DNPH1: variants seen among roughly 807,000 people sequenced by gnomAD.
DNPH1 encodes 2'-deoxynucleoside 5'-phosphate N-hydrolase 1, also known as 5-hydroxymethyl-dUMP N-hydrolase.
In DNPH1, 18 loss-of-function variants were observed where a neutral mutation model predicts 15.7. That is an observed-to-expected ratio of 1.15 (90% CI 0.79 to 1.70). DNPH1 has a LOEUF of 1.70. Among genes scored for constraint, DNPH1 ranks in the 40% most tolerant of loss-of-function variants. DNPH1 has a pLI of 0.00. For missense variants in DNPH1, 262 were observed against 255.2 expected (o/e 1.03, Z -0.18); for synonymous variants, 114 against 107.9 (o/e 1.06, Z -0.35).
chr6:43,226,299 G>C lies in DNPH1; in HGVS notation c.265+28C>G, dbSNP rs750818684. On this transcript the variant is annotated intron_variant, in intron 2 of 3. Transcript: ENST00000230431. This position sits in a 1 kb window ranked among gnomAD's most constrained non-coding sequence, Gnocchi z 4.1. The stretch of plus-strand genomic sequence containing the variant: ...GGAACCCAGCACTCCAGAGGAGTTA[G>C]GTGCTGGAAGGAGGGAGCGCCACTC... 1.9e-5 allele frequency: 31 copies of C among 1,609,542 alleles called. No individual in the cohort carries two copies. The highest frequency in any genetic ancestry group is 2.5e-5 in the Non-Finnish European group (30 of 1,178,836).
chr6:43,229,362 C>A lies in DNPH1; in HGVS notation c.95G>T (p.Gly32Val). 6.7e-7 allele frequency: 1 copy of A among 1,487,248 alleles called. No individual in the cohort carries two copies. The highest frequency in any genetic ancestry group is 1.3e-5 in the South Asian group (1 of 77,480). 92.1% of individuals were successfully genotyped at this position (1,487,248 alleles called of 1,614,324 possible). ...ALYFCGSIRG[G>V]REDRTLYERI... ...CTCGTACAGCGTCCTGTCCTCGCGT[C>A]CGCCGCGAATGCTCCCGCAGAAGTA... Residue 32 changes from glycine (G) to valine (V), a missense_variant, in exon 1 of 4, where the codon GGA becomes GTA. By Grantham distance (109) the Gly-to-Val change is moderately radical. Coordinates refer to ENST00000230431, the MANE Select transcript of DNPH1 (RefSeq NM_006443.3).
rs1562070778 is a variant in DNPH1 at position 43,225,709 on chromosome 6, A to G, written c.*24T>C. 6.2e-7 allele frequency: 1 copy of G among 1,613,296 alleles called. No individual in the cohort carries two copies. The highest frequency in any genetic ancestry group is 2.2e-5 in the East Asian group (1 of 44,880). On this transcript the variant is annotated 3_prime_UTR_variant, in exon 4 of 4. Transcript: ENST00000230431. ...TACTAGAGCAGTGTCTGAGAATAGA[A>G]GAATTTAAGAAAGTGAGATTAAGTC...
chr6:43,227,937 AAACTT>A (rs1323327285), intron 1 of DNPH1, among the ~76,000 whole-genome samples: 20 of 152,204 alleles, frequency 1.3e-4, no homozygotes, highest in Non-Finnish European at 2.8e-4. Context: ...AAAAAATACA[AAACTT>A]AACCAGGTAT....
intron 1 of DNPH1, among the ~76,000 whole-genome samples, chr6:43,227,166 C>T (rs1420075178): frequency 6.6e-6 from 1 of 151,746 alleles, no homozygotes. Context: ...CCTGTAATCC[C>T]AGCACTTTGG....
Position 43,226,263 on chromosome 6 carries a change from G to C in DNPH1, c.265+64C>G. On this transcript the variant is annotated intron_variant, in intron 2 of 3. Coordinates refer to ENST00000230431, the MANE Select transcript of DNPH1 (RefSeq NM_006443.3). This position sits in a 1 kb window ranked among gnomAD's most constrained non-coding sequence, Gnocchi z 4.1. Reference sequence around the variant, plus strand: ...GAGTCCCTTCTAGGTGTGGAGGCTGGGATGTCCAGGGGAACCCAGCACTCC... The same window carrying C: ...GAGTCCCTTCTAGGTGTGGAGGCTGCGATGTCCAGGGGAACCCAGCACTCC... 7 of 1,602,140 alleles carry C rather than the reference G, an allele frequency of 4.4e-6. No homozygotes were observed. The highest frequency in any genetic ancestry group is 6.0e-6 in the Non-Finnish European group (7 of 1,175,002).
Position 43,229,367 on chromosome 6 carries a change from G to A in DNPH1, c.90C>T (p.Arg30=). 6.7e-7 allele frequency: 1 copy of A among 1,486,054 alleles called. No individual in the cohort carries two copies. Among genetic ancestry groups the A allele is most frequent in the East Asian group, 2.9e-5 (1 of 34,264 alleles). The allele number at this position is 1,486,054 out of a possible 1,614,324, so 92.1% of individuals were successfully genotyped here. A position where few individuals can be genotyped will look rare whatever the true frequency, so the allele number is the denominator to read the frequency against. Residue 30 remains arginine, a synonymous_variant, in exon 1 of 4, where the codon CGC becomes CGT. Transcript: ENST00000230431. ...RPALYFCGSI[R]GGREDRTLYE... ...ACAGCGTCCTGTCCTCGCGTCCGCCGCGAATGCTCCCGCAGAAGTACAGGG... is the reference window on the plus strand; with the variant it reads ...ACAGCGTCCTGTCCTCGCGTCCGCCACGAATGCTCCCGCAGAAGTACAGGG...
In DNPH1 at chr6:43,225,784, G is replaced by A. The variant is rs768236975; in HGVS notation, c.474C>T (p.Phe158=). 15 of 1,614,058 alleles carry A rather than the reference G, an allele frequency of 9.3e-6. No individual in the cohort carries two copies. The highest frequency in any genetic ancestry group is 2.2e-5 in the East Asian group (1 of 44,890). The change falls in exon 4 of 4, where the codon TTC becomes TTT. Residue 158 remains phenylalanine (F), a synonymous_variant. Transcript: ENST00000230431. The part of the protein sequence containing the change: ...GEVEALLDRY[F]EADPPGQVAA... ...CCACCTGCCCTGGAGGATCAGCCTC[G>A]AAGTATCGATCCAGCAGGGCCTCCA...
chr6:43,229,250 C>T lies in DNPH1; in HGVS notation c.196+11G>A. 7.2e-7 allele frequency: 1 copy of T among 1,398,294 alleles called. No individual in the cohort carries two copies. The highest frequency in any genetic ancestry group is 3.1e-5 in the East Asian group (1 of 31,818). 86.6% of individuals were successfully genotyped at this position (1,398,294 alleles called of 1,614,324 possible). On this transcript the variant is annotated intron_variant, in intron 1 of 3. Coordinates refer to ENST00000230431, the MANE Select transcript of DNPH1 (RefSeq NM_006443.3). ...CCCGCGTCCCCGCGTCCCGCGGCCC[C>T]AGGGCCTCACCGCGCGCGCCCAGCT...
In DNPH1 at chr6:43,226,064, G is replaced by T. The variant is rs1776727744; in HGVS notation, c.345C>A (p.Ile115=). The T allele has an allele frequency of 3.7e-6, 6 of 1,613,832 alleles. No homozygotes were observed. The highest frequency in any genetic ancestry group is 4.2e-6 in the Non-Finnish European group (5 of 1,179,994). The change falls in exon 3 of 4, where the codon ATC becomes ATA. Residue 115 remains isoleucine (I), a synonymous_variant. Coordinates refer to ENST00000230431, the MANE Select transcript of DNPH1 (RefSeq NM_006443.3). The surrounding 1 kb of genome is among the most constrained non-coding windows in gnomAD (Gnocchi z 4.1). ...CAGACTGCGGGCGGAACAGGCACAG[G>T]ATCCGCTTGTTAAAGGCCACGGCCC... The part of the protein sequence containing the change: ...LGRAVAFNKR[I]LCLFRPQSGR...
At position 43,225,809 on chromosome 6, in the gene DNPH1, A is replaced by C; in HGVS notation, c.449T>G (p.Val150Gly). ...GAAGTATCGATCCAGCAGGGCCTCC[A>C]CCTCTCCCTCCTCATAGTCCCACAC... Reference protein sequence around the residue: ...FQVWDYEEGEVEALLDRYFEA... With the variant: ...FQVWDYEEGEGEALLDRYFEA... Residue 150 changes from valine (V) to glycine (G), a missense_variant, in exon 4 of 4, where the codon GTG becomes GGG. Physicochemically the swap from Val to Gly is moderately radical, Grantham distance 109. Transcript: ENST00000230431. The C allele has an allele frequency of 6.2e-7, 1 of 1,613,816 alleles. No homozygotes were observed. The highest frequency in any genetic ancestry group is 8.5e-7 in the Non-Finnish European group (1 of 1,179,944).
At chr6:43,228,861 G>T (rs1776780010) in intron 1 of DNPH1, among the ~76,000 whole-genome samples, 1 of 152,122 alleles carries the variant, frequency 6.6e-6, no homozygotes, top group Admixed American at 6.5e-5. Flanking sequence ...AAAGTTGGTG[G>T]GGAGGCAGGA....
chr6:43,227,288 G>A (rs1164769734), intron 1 of DNPH1, among the ~76,000 whole-genome samples: 4 of 151,660 alleles, frequency 2.6e-5, no homozygotes, highest in South Asian at 4.2e-4. Flanking sequence ...GGTAGCAGGC[G>A]CCTGTAATCC....
rs112325060 is a variant in DNPH1, at chr6:43,228,288, A to G, written c.196+973T>C. On this transcript the variant is annotated intron_variant, in intron 1 of 3. Coordinates refer to ENST00000230431, the MANE Select transcript of DNPH1 (RefSeq NM_006443.3). ...ACTGGGCAACATAGTGAGACTCCCAATCTCTACAGAAAAATTTTGAGCCAG... is the reference window on the plus strand; with the variant it reads ...ACTGGGCAACATAGTGAGACTCCCAGTCTCTACAGAAAAATTTTGAGCCAG... Among the ~76,000 whole-genome samples the G allele has an allele frequency of 1.4e-3, 209 of 151,434 alleles. 2 individuals carry two copies. The highest frequency in any genetic ancestry group is 7.1e-3 in the South Asian group (34 of 4,776).
In DNPH1 at chr6:43,226,272, G is replaced by A; in HGVS notation, c.265+55C>T. ...CTAGGTGTGGAGGCTGGGATGTCCA[G>A]GGGAACCCAGCACTCCAGAGGAGTT... On this transcript the variant is annotated intron_variant, in intron 2 of 3. Transcript: ENST00000230431. This position sits in a 1 kb window ranked among gnomAD's most constrained non-coding sequence, Gnocchi z 4.1. 6.2e-7 allele frequency: 1 copy of A among 1,603,952 alleles called. No individual in the cohort carries two copies. Among genetic ancestry groups the A allele is most frequent in the Non-Finnish European group, 8.5e-7 (1 of 1,176,092 alleles).
At chr6:43,228,555 G>A (rs1442686502) in intron 1 of DNPH1, among the ~76,000 whole-genome samples, 3 of 152,096 alleles carry the variant, frequency 2.0e-5, no homozygotes, top group African/African-American at 4.8e-5. Context: ...GCCCTGGGCG[G>A]TGGCTCCTGT....
chr6:43,225,683 G>C lies in DNPH1; in HGVS notation c.*50C>G. On this transcript the variant is annotated 3_prime_UTR_variant, in exon 4 of 4. Transcript: ENST00000230431. ...CTCCTGGGGCTAAGAGGAAGGAATG[G>C]TACTAGAGCAGTGTCTGAGAATAGA... The C allele has an allele frequency of 6.2e-7, 1 of 1,602,308 alleles. No individual in the cohort carries two copies. The highest frequency in any genetic ancestry group is 1.7e-5 in the Admixed American group (1 of 59,978).
rs201391372 is a variant in DNPH1, at chr6:43,225,783, C to T, written c.475G>A (p.Glu159Lys). Residue 159 changes from glutamate to lysine, a missense_variant, in exon 4 of 4, where the codon GAG (glutamate) becomes AAG (lysine). By Grantham distance (56) the Glu-to-Lys change is moderately conservative. Transcript: ENST00000230431. ...GCCACCTGCCCTGGAGGATCAGCCT[C>T]GAAGTATCGATCCAGCAGGGCCTCC... ...EVEALLDRYF[E>K]ADPPGQVAAS... The T allele has an allele frequency of 1.2e-4, 187 of 1,614,202 alleles. No homozygotes were observed. The highest frequency in any genetic ancestry group is 1.6e-4 in the Middle Eastern group (1 of 6,062).
intron 1 of DNPH1, among the ~76,000 whole-genome samples, chr6:43,227,216 A>G (rs1358489656): frequency 6.6e-6 from 1 of 152,082 alleles, no homozygotes; most frequent in African/African-American, 2.4e-5. Flanking sequence ...GGAGTTTGAG[A>G]CCAGTCTGGC....
Position 43,229,399 on chromosome 6 carries a change from G to A in DNPH1, c.58C>T (p.Arg20Cys), listed in dbSNP as rs1776791004. 2 of 1,438,982 alleles carry A rather than the reference G, an allele frequency of 1.4e-6. No individual in the cohort carries two copies. Among genetic ancestry groups the A allele is most frequent in the Non-Finnish European group, 9.2e-7 (1 of 1,092,690 alleles). 89.1% of individuals were successfully genotyped at this position (1,438,982 alleles called of 1,614,324 possible). A position where few individuals can be genotyped will look rare whatever the true frequency, so the allele number is the denominator to read the frequency against. ...SESWERGEPG[R>C]PALYFCGSIR... is the part of the protein sequence containing the mutation. ...CTCCCGCAGAAGTACAGGGCCGGGC[G>A]GCCAGGCTCCCCGCGCTCCCAGCTC... The change falls in exon 1 of 4, where the codon CGC becomes TGC. Residue 20 changes from arginine to cysteine, a missense_variant. Physicochemically the swap from Arg to Cys is radical, Grantham distance 180. Transcript: ENST00000230431.
Sources: allele counts gnomAD v4.1 joint callset (sites outside exome capture counted in the v4.1 genomes callset), GRCh38; gene constraint gnomAD v4.1.1; non-coding constraint Gnocchi (gnomAD v3.1); transcripts MANE v1.5; gene names NCBI Gene and HGNC (gene_info 2026-07-23, HGNC 2026-07-21).